FAT4: variants seen among roughly 807,000 people sequenced by gnomAD.
FAT4 encodes FAT atypical cadherin 4.
FAT4 carries 84 observed loss-of-function variants against 303.9 expected under a neutral mutation model. That is an observed-to-expected ratio of 0.28 (90% CI 0.23 to 0.33). The LOEUF is 0.33. FAT4 is among the 10% of genes least tolerant of loss of function. FAT4 has a pLI of 1.00. For missense variants in FAT4, 6,005 were observed against 6,146.8 expected, an observed-to-expected ratio of 0.98 and a Z score of 0.77; for synonymous variants, 2,307 against 2,298.8, an observed-to-expected ratio of 1.00 and a Z score of -0.10.
intron 11 of FAT4, among the ~76,000 whole-genome samples, chr4:125,466,478 C>G (rs1726665187): frequency 6.6e-6 from 1 of 151,208 alleles, no homozygotes; most frequent in South Asian, 2.1e-4. Flanking sequence ...TTTATTTTTC[C>G]TTTTACTTTA....
chr4:125,424,297 C>T (rs1013989140), intron 7 of FAT4, among the ~76,000 whole-genome samples: 1 of 152,144 alleles, frequency 6.6e-6, no homozygotes, highest in Non-Finnish European at 1.5e-5. Context: ...CCATGCTGTT[C>T]TCCTAATAGT....
chr4:125,491,529 G>GT lies in FAT4; in HGVS notation c.14714dup (p.Thr4907HisfsTer10), dbSNP rs1195043155. On this transcript the variant is annotated frameshift_variant, in exon 18 of 18. Coordinates refer to ENST00000394329, the MANE Select transcript of FAT4 (RefSeq NM_001291303.3). LOFTEE classifies it high-confidence loss of function. ...CGGTCGCAGGGCCGAGGGAGGACCT[G>GT]TGGGCACCCAGGCAGCAGCACCAGG... 8.1e-6 allele frequency: 13 copies of GT among 1,614,190 alleles called. No homozygotes were observed. The highest frequency in any genetic ancestry group is 1.1e-5 in the Non-Finnish European group (13 of 1,180,030).
chr4:125,325,196 T>C (rs1206925656), intron 2 of FAT4, among the ~76,000 whole-genome samples: 1 of 152,200 alleles, frequency 6.6e-6, no homozygotes, highest in African/African-American at 2.4e-5. Context: ...AAACTTTTCA[T>C]AGTCTGTTAC....
In FAT4 at chr4:125,321,306, C is replaced by T; in HGVS notation, c.4895C>T (p.Pro1632Leu). The stretch of plus-strand genomic sequence containing the variant: ...CTTGATGGACCTGTTTTTACTCAAC[C>T]CAAATATATAACTATTTTGAAGGAA... ...QGLDGPVFTQ[P>L]KYITILKEGE... The change falls in exon 2 of 18, where the codon CCC becomes CTC. Residue 1632 changes from proline to leucine, a missense_variant. Pro to Leu is a moderately conservative substitution (Grantham distance 98). Coordinates refer to ENST00000394329, the MANE Select transcript of FAT4 (RefSeq NM_001291303.3). 6.2e-7 allele frequency: 1 copy of T among 1,614,042 alleles called. No individual in the cohort carries two copies. Among genetic ancestry groups the T allele is most frequent in the Non-Finnish European group, 8.5e-7 (1 of 1,179,986 alleles).
At chr4:125,359,755 T>C (rs1732580757) in intron 2 of FAT4, among the ~76,000 whole-genome samples, 1 of 152,192 alleles carries the variant, frequency 6.6e-6, no homozygotes, top group African/African-American at 2.4e-5. Flanking sequence ...AAGGTAACTA[T>C]GTGATACCAG....
At position 125,320,941 on chromosome 4, in the gene FAT4, T is replaced by C. The variant is rs368207419; in HGVS notation, c.4530T>C (p.Tyr1510=). The C allele has an allele frequency of 3.2e-5, 51 of 1,614,110 alleles. No homozygotes were observed. Among genetic ancestry groups the C allele is most frequent in the African/African-American group, 4.0e-5 (3 of 74,944 alleles). ...DQAVPIETRR[Y]ALKNVTILVT... is the part of the protein sequence containing the mutation. ...CTGTGCCAATAGAAACTAGACGGTA[T>C]GCTTTGAAGAACGTGACCATTTTGG... Residue 1510 remains tyrosine (Y), a synonymous_variant, in exon 2 of 18, where the codon TAT becomes TAC. Transcript: ENST00000394329.
At chr4:125,462,055 A>G (rs2126070174) in intron 10 of FAT4, among the ~76,000 whole-genome samples, 1 of 152,084 alleles carries the variant, frequency 6.6e-6, no homozygotes, top group Non-Finnish European at 1.5e-5. Flanking sequence ...TGAAATTGTT[A>G]GCTCAATGTT....
At chr4:125,366,620 A>T (rs1045124342) in intron 2 of FAT4, among the ~76,000 whole-genome samples, 7 of 152,180 alleles carry the variant, frequency 4.6e-5, no homozygotes, top group African/African-American at 1.7e-4. Flanking sequence ...ATACCCAGTA[A>T]TGGGATTGCT....
Position 125,316,610 on chromosome 4 carries a change from C to G in FAT4, c.199C>G (p.Arg67Gly). The G allele has an allele frequency of 6.2e-7, 1 of 1,613,978 alleles. No individual in the cohort carries two copies. The highest frequency in any genetic ancestry group is 1.1e-5 in the South Asian group (1 of 91,084). The change falls in exon 2 of 18, where the codon CGC becomes GGC. Residue 67 changes from arginine to glycine, a missense_variant. Arg to Gly is a moderately radical substitution (Grantham distance 125). Transcript: ENST00000394329. The surrounding 1 kb of genome is among the most constrained non-coding windows in gnomAD (Gnocchi z 5.7). Reference protein sequence around the residue: ...PGTLVGTIQTRPGFTYRLSES... With the variant: ...PGTLVGTIQTGPGFTYRLSES... ...CACTCTGGTAGGCACCATCCAGACG[C>G]GCCCCGGCTTCACCTACAGGCTCAG...
At chr4:125,416,761 C>A in intron 7 of FAT4, 139 bp downstream of exon 7, 1 of 716,300 alleles carries the variant, frequency 1.4e-6, no homozygotes, top group Non-Finnish European at 2.3e-6. Context: ...GCCTGACCAA[C>A]ATGGTGAAAC....
In FAT4 at chr4:125,320,608, T is replaced by A. The variant is rs761538018; in HGVS notation, c.4197T>A (p.Pro1399=). The A allele has an allele frequency of 2.5e-6, 4 of 1,614,028 alleles. No homozygotes were observed. Among genetic ancestry groups the A allele is most frequent in the Non-Finnish European group, 3.4e-6 (4 of 1,179,976 alleles). The part of the protein sequence containing the change: ...NITAKDQGRP[P]RSSTMSVVIH... ...CAGCAAAAGACCAAGGAAGACCTCC[T>A]CGTTCATCTACAATGTCAGTGGTTA... Residue 1399 remains proline (P), a synonymous_variant, in exon 2 of 18, where the codon CCT becomes CCA. Transcript: ENST00000394329.
intron 2 of FAT4, among the ~76,000 whole-genome samples, chr4:125,365,777 T>C (rs1732856140): frequency 6.6e-6 from 1 of 152,188 alleles, no homozygotes; most frequent in African/African-American, 2.4e-5. Flanking sequence ...TATAACTAAA[T>C]TAGAATTATC....
At chr4:125,388,573 T>G (rs1733854150) in intron 2 of FAT4, among the ~76,000 whole-genome samples, 1 of 152,194 alleles carries the variant, frequency 6.6e-6, no homozygotes, top group South Asian at 2.1e-4. Context: ...ATAAGTTTCT[T>G]ATGCAACCAC....
chr4:125,402,670 T>A (rs1255214088), intron 3 of FAT4, among the ~76,000 whole-genome samples: 3 of 151,986 alleles, frequency 2.0e-5, no homozygotes, highest in Non-Finnish European at 4.4e-5. Flanking sequence ...TCTCCTTATA[T>A]GTTTGACCAT....
Position 125,468,545 on chromosome 4 carries a change from A to T in FAT4, c.11939A>T (p.Tyr3980Phe). Residue 3980 changes from tyrosine to phenylalanine, a missense_variant, in exon 12 of 18, where the codon TAT becomes TTT. Coordinates refer to ENST00000394329, the MANE Select transcript of FAT4 (RefSeq NM_001291303.3). ...VFGKHCELNS[Y>F]GFEELSYMEF... Reference sequence around the variant, plus strand: ...GGAAAACACTGCGAGTTGAACAGTTATGGATTTGAGGAGTTATCATACATG... The same window carrying T: ...GGAAAACACTGCGAGTTGAACAGTTTTGGATTTGAGGAGTTATCATACATG... The T allele has an allele frequency of 6.2e-7, 1 of 1,610,058 alleles. No individual in the cohort carries two copies. Among genetic ancestry groups the T allele is most frequent in the Admixed American group, 1.7e-5 (1 of 59,856 alleles).
At chr4:125,348,790 T>C (rs1475085225) in intron 2 of FAT4, among the ~76,000 whole-genome samples, 1 of 151,738 alleles carries the variant, frequency 6.6e-6, no homozygotes, top group Non-Finnish European at 1.5e-5. Context: ...AAGGGTGTGC[T>C]GAGTTTATTA....
chr4:125,330,220 A>ATT (rs138860579), intron 2 of FAT4, among the ~76,000 whole-genome samples: 73,538 of 151,318 alleles, frequency 0.49, 18,911 homozygotes, highest in Non-Finnish European at 0.59. Context: ...TACTTCAAGT[A>ATT]TTTTTTTTTA....
At chr4:125,376,920 A>G (rs980935858) in intron 2 of FAT4, among the ~76,000 whole-genome samples, 4 of 152,108 alleles carry the variant, frequency 2.6e-5, no homozygotes, top group Non-Finnish European at 5.9e-5. Context: ...AAAATAACAA[A>G]ATAGAAGAAA....
At chr4:125,466,547 A>G (rs966474379) in intron 11 of FAT4, among the ~76,000 whole-genome samples, 6 of 151,216 alleles carry the variant, frequency 4.0e-5, no homozygotes, top group Non-Finnish European at 7.4e-5. Flanking sequence ...TAATACATAC[A>G]AATTATAAAT....
Sources: allele counts gnomAD v4.1 joint callset (sites outside exome capture counted in the v4.1 genomes callset), GRCh38; gene constraint gnomAD v4.1.1; non-coding constraint Gnocchi (gnomAD v3.1); transcripts MANE v1.5; gene names NCBI Gene and HGNC (gene_info 2026-07-23, HGNC 2026-07-21).